The following MAP3K9 variants were observed in gnomAD, a reference collection of about 807,000 sequenced individuals.
The protein encoded by MAP3K9 is mixed lineage kinase 1 (tyr and ser/thr specificity).
MAP3K9 carries 46 observed loss-of-function variants against 95.8 expected under a neutral mutation model. That is an observed-to-expected ratio of 0.48 (90% CI 0.38 to 0.61). The LOEUF (loss-of-function observed/expected upper bound fraction) is 0.61. Among genes scored for constraint, MAP3K9 ranks in the 20% least tolerant of loss-of-function variants. The pLI, the probability that MAP3K9 is intolerant of heterozygous loss-of-function variation, is 0.00. For synonymous variants in MAP3K9, 533 were observed against 593.8 expected (o/e 0.90, Z 1.49); for missense variants, 1,296 against 1,474.3 (o/e 0.88, Z 1.98).
intron 4 of MAP3K9, chr14:70,749,732 T>TC: frequency 1.7e-6 from 1 of 574,218 alleles, no homozygotes; most frequent in Non-Finnish European, 3.1e-6. Flanking sequence ...ACTTCTACAG[T>TC]CCCTGGAGAT....
At chr14:70,766,158 C>G (rs1002221672) in intron 2 of MAP3K9, among the ~76,000 whole-genome samples, 1 of 152,028 alleles carries the variant, frequency 6.6e-6, no homozygotes, top group Admixed American at 6.6e-5. Flanking sequence ...TTGAAGAAGC[C>G]AAGTTTAGTT....
chr14:70,742,790 C>G (rs181932129), intron 5 of MAP3K9, among the ~76,000 whole-genome samples, 199 bp from the exon 6 acceptor site: 2 of 152,006 alleles, frequency 1.3e-5, no homozygotes, highest in Non-Finnish European at 2.9e-5. Flanking sequence ...AGGCTCAGAA[C>G]AGCCATACTG....
intron 8 of MAP3K9, 44 bp downstream of exon 8, chr14:70,738,201 T>C: frequency 6.4e-7 from 1 of 1,561,022 alleles, no homozygotes; most frequent in Non-Finnish European, 8.7e-7. Flanking sequence ...AAATGGTACA[T>C]CCATCTTCAA....
intron 4 of MAP3K9, 119 bp downstream of exon 4, chr14:70,749,814 A>T: frequency 8.2e-7 from 1 of 1,225,232 alleles, no homozygotes; most frequent in Non-Finnish European, 1.2e-6. Context: ...ATTCCTCCTT[A>T]GGTGACTGAA....
At chr14:70,774,555 C>T (rs1380463823) in intron 2 of MAP3K9, among the ~76,000 whole-genome samples, 1 of 151,572 alleles carries the variant, frequency 6.6e-6, no homozygotes, top group East Asian at 1.9e-4. Flanking sequence ...CCCAGCTACT[C>T]GGGAAGCTGA....
At position 70,724,183 on chromosome 14, in the gene MAP3K9, T is replaced by A. The variant is rs1258236574; in HGVS notation, c.*6197A>T. On this transcript the variant is annotated 3_prime_UTR_variant, in exon 12 of 12. Coordinates refer to ENST00000554752, the MANE Select transcript of MAP3K9 (RefSeq NM_001284230.2). The stretch of plus-strand genomic sequence containing the variant: ...TTTAAGAGGAGAATCTAAAGGAGCC[T>A]CTCTGCCATAATCACTTCCCTTCTC... 1 of 152,114 alleles carries A rather than the reference T, an allele frequency of 6.6e-6. No individual in the cohort carries two copies. Among genetic ancestry groups the A allele is most frequent in the Non-Finnish European group, 1.5e-5 (1 of 68,038 alleles). 9.4% of individuals were successfully genotyped at this position (152,114 alleles called of 1,614,324 possible).
At position 70,732,937 on chromosome 14, in the gene MAP3K9, G is replaced by C. The variant is rs376367504; in HGVS notation, c.2432C>G (p.Pro811Arg). ...SSRPRRSTSP[P>R]SRKLFKKEEP... Reference sequence around the variant, plus strand: ...CTCCTTCTTGAAAAGCTTTCGGGATGGGGGGCTGGTGCTCCGACGAGGACG... The same window carrying C: ...CTCCTTCTTGAAAAGCTTTCGGGATCGGGGGCTGGTGCTCCGACGAGGACG... The change falls in exon 11 of 12, where the codon CCA (proline) becomes CGA (arginine). Residue 811 changes from proline to arginine, a missense_variant. Coordinates refer to ENST00000554752, the MANE Select transcript of MAP3K9 (RefSeq NM_001284230.2). The C allele has an allele frequency of 1.9e-5, 30 of 1,613,918 alleles. No individual in the cohort carries two copies. The South Asian group carries it at 2.9e-4, about 15-fold the overall frequency.
At chr14:70,743,433 T>C (rs1341751768) in intron 5 of MAP3K9, among the ~76,000 whole-genome samples, 1 of 151,560 alleles carries the variant, frequency 6.6e-6, no homozygotes, top group Admixed American at 6.6e-5. Flanking sequence ...ACCTACAGAA[T>C]GGGAGAAAAC....
rs2054909417 is a variant in MAP3K9 at position 70,799,846 on chromosome 14, T to G, written c.820+821A>C. ...TGCCCTCCTCTCTGGGACAGGATGC[T>G]CCAAGTGATTTTAAGTACATACCAT... On this transcript the variant is annotated intron_variant, in intron 2 of 11. Coordinates refer to ENST00000554752, the MANE Select transcript of MAP3K9 (RefSeq NM_001284230.2). 2.0e-5 allele frequency among the ~76,000 whole-genome samples: 3 copies of G among 152,218 alleles called. 1 individual carries two copies. The South Asian group carries it at 6.2e-4, about 32-fold the overall frequency.
At chr14:70,808,683 CTCGCGCAGTG>C in intron 1 of MAP3K9, 73 bp downstream of exon 1, 2 of 294,996 alleles carry the variant, frequency 6.8e-6, no homozygotes, top group South Asian at 4.3e-5. Flanking sequence ...CATCCCAGCC[CTCGCGCAGTG>C]CTCCCCCCTT....
chr14:70,774,983 C>CAAAAAAAAAAAAAAAAAAAAA (rs60144338), intron 2 of MAP3K9, among the ~76,000 whole-genome samples: 11 of 55,114 alleles, frequency 2.0e-4, no homozygotes, highest in Admixed American at 3.2e-4. Flanking sequence ...ACTCTGTCCC[C>CAAAAAAAAAAAAAAAAAAAAA]AAAAAAAAAA....
Position 70,738,145 on chromosome 14 carries a change from A to G in MAP3K9, c.1844+100T>C, listed in dbSNP as rs1860195004. The G allele has an allele frequency of 1.1e-5, 14 of 1,271,634 alleles. 1 individual carries two copies. The highest frequency in any genetic ancestry group is 2.0e-4 in the Middle Eastern group (1 of 5,108). The allele number at this position is 1,271,634 out of a possible 1,614,324, so 78.8% of individuals were successfully genotyped here. On this transcript the variant is annotated intron_variant, in intron 8 of 11. Coordinates refer to ENST00000554752, the MANE Select transcript of MAP3K9 (RefSeq NM_001284230.2). ...GAAGCTTGTAATTTCTCAGAAAGCAATCAAACACACGACAGAGAAAAAAAG... is the reference window on the plus strand; with the variant it reads ...GAAGCTTGTAATTTCTCAGAAAGCAGTCAAACACACGACAGAGAAAAAAAG...
At chr14:70,770,738 C>T (rs563588207) in intron 2 of MAP3K9, among the ~76,000 whole-genome samples, 5 of 152,214 alleles carry the variant, frequency 3.3e-5, no homozygotes, top group Admixed American at 6.5e-5. Context: ...CTGAGTCACG[C>T]TGCTCAGATC....
intron 2 of MAP3K9, among the ~76,000 whole-genome samples, chr14:70,762,399 T>C (rs1179032635): frequency 6.6e-6 from 1 of 152,182 alleles, no homozygotes; most frequent in Non-Finnish European, 1.5e-5. Flanking sequence ...TCACGAATAC[T>C]TGTTATTTTC....
rs199891574 is a variant in MAP3K9 at position 70,766,742 on chromosome 14, C to A, written c.821-5560G>T. ...GGGAATCAAATCCAGATCTGTCTGA[C>A]TTCAGAACCACATTCTTCACCTTTG... is the stretch of plus-strand genomic sequence containing the variant. On this transcript the variant is annotated intron_variant, in intron 2 of 11. Transcript: ENST00000554752. 8.5e-5 allele frequency among the ~76,000 whole-genome samples: 13 copies of A among 152,290 alleles called. No individual in the cohort carries two copies. In the East Asian group the frequency reaches 2.5e-3, roughly 29 times the overall value.
At chr14:70,769,657 G>A (rs891066316) in intron 2 of MAP3K9, among the ~76,000 whole-genome samples, 1 of 152,188 alleles carries the variant, frequency 6.6e-6, no homozygotes, top group Non-Finnish European at 1.5e-5. Flanking sequence ...TCTAGCAGTT[G>A]CCAGTAGTTT....
chr14:70,736,254 G>A (rs1396362304), intron 8 of MAP3K9, among the ~76,000 whole-genome samples: 1 of 152,138 alleles, frequency 6.6e-6, no homozygotes, highest in Non-Finnish European at 1.5e-5. Context: ...CGGTTGCAGG[G>A]GGACTGTGAA....
intron 3 of MAP3K9, among the ~76,000 whole-genome samples, chr14:70,751,260 G>A (rs556975222): frequency 1.3e-5 from 2 of 152,280 alleles, no homozygotes; most frequent in African/African-American, 2.4e-5. Flanking sequence ...ATCAGAACCA[G>A]ACACAATCAC....
intron 3 of MAP3K9, among the ~76,000 whole-genome samples, chr14:70,759,798 A>G (rs1480250884): frequency 1.3e-5 from 2 of 152,216 alleles, no homozygotes; most frequent in South Asian, 2.1e-4. Flanking sequence ...TCTGTCACCC[A>G]GGCTGAAGTG....
Sources: allele counts gnomAD v4.1 joint callset (sites outside exome capture counted in the v4.1 genomes callset), GRCh38; gene constraint gnomAD v4.1.1; transcripts MANE v1.5; gene names NCBI Gene and HGNC (gene_info 2026-07-23, HGNC 2026-07-21).